The following DRC11 variants were observed in gnomAD, a reference collection of about 807,000 sequenced individuals.
DRC11 encodes IQ and AAA domain-containing protein 1.
chr2:236,423,889 A>G, the DRC11 span, among the ~76,000 whole-genome samples: 1 of 152,136 alleles, frequency 6.6e-6, no homozygotes, highest in Admixed American at 6.5e-5. Flanking sequence ...CGATGAGTTC[A>G]TGTCCTTTGA....
chr2:236,450,855 T>G, the DRC11 span, among the ~76,000 whole-genome samples: 1 of 152,210 alleles, frequency 6.6e-6, no homozygotes, highest in Non-Finnish European at 1.5e-5. Context: ...CAGTGCCATT[T>G]GTCCTTCCTT....
the DRC11 span, among the ~76,000 whole-genome samples, chr2:236,354,340 CAT>C: frequency 7.7e-4 from 80 of 103,858 alleles, 1 homozygote; most frequent in Non-Finnish European, 1.5e-3. Flanking sequence ...TATTAGTGTG[CAT>C]GTGTGTGTGT....
At chr2:236,464,449 T>C in the DRC11 span, among the ~76,000 whole-genome samples, 1 of 152,220 alleles carries the variant, frequency 6.6e-6, no homozygotes, top group East Asian at 1.9e-4. Context: ...GAAATAAAAT[T>C]GATTTAAAAT....
At chr2:236,502,304 CG>C in the DRC11 span, among the ~76,000 whole-genome samples, 1 of 151,958 alleles carries the variant, frequency 6.6e-6, no homozygotes, top group African/African-American at 2.4e-5. Context: ...AAGGGCCAGG[CG>C]TGGTGGCTCA....
chr2:236,331,324 G>A, the DRC11 span: 1 of 1,444,268 alleles, frequency 6.9e-7, no homozygotes, highest in Non-Finnish European at 9.8e-7. This position sits in a 1 kb window ranked among gnomAD's most constrained non-coding sequence, Gnocchi z 4.8. Context: ...AGGAGTGTCT[G>A]CTGCTAAGAC....
At chr2:236,386,532 A>G in the DRC11 span, among the ~76,000 whole-genome samples, 1 of 151,822 alleles carries the variant, frequency 6.6e-6, no homozygotes, top group African/African-American at 2.4e-5. Flanking sequence ...TTTTTATTAC[A>G]TCTATTTGAT....
At chr2:236,477,341 A>G in the DRC11 span, among the ~76,000 whole-genome samples, 25 of 152,246 alleles carry the variant, frequency 1.6e-4, no homozygotes, top group Non-Finnish European at 3.2e-4. Flanking sequence ...GAGAAAAAAG[A>G]AAATGTTATT....
At chr2:236,419,994 T>A in the DRC11 span, among the ~76,000 whole-genome samples, 1 of 152,212 alleles carries the variant, frequency 6.6e-6, no homozygotes, top group Non-Finnish European at 1.5e-5. The surrounding 1 kb of genome is among the most constrained non-coding windows in gnomAD (Gnocchi z 4.8). Flanking sequence ...CCCCCAGGGC[T>A]CTGCTCATGA....
the DRC11 span, among the ~76,000 whole-genome samples, chr2:236,474,213 C>A: frequency 5.5e-4 from 82 of 149,786 alleles, no homozygotes; most frequent in African/African-American, 1.8e-3. Flanking sequence ...AAGACACACT[C>A]AAAAAAAAAG....
the DRC11 span, among the ~76,000 whole-genome samples, chr2:236,452,392 A>T: frequency 6.6e-6 from 1 of 152,218 alleles, no homozygotes; most frequent in African/African-American, 2.4e-5. The surrounding 1 kb of genome is among the most constrained non-coding windows in gnomAD (Gnocchi z 4.7). Context: ...AGTATGAAAA[A>T]TATGTGGATG....
the DRC11 span, among the ~76,000 whole-genome samples, chr2:236,366,175 G>T: frequency 6.6e-6 from 1 of 152,276 alleles, no homozygotes; most frequent in African/African-American, 2.4e-5. Flanking sequence ...AGGAGGGTGG[G>T]TGGATGCTGA....
chr2:236,357,067 CAT>C, the DRC11 span, among the ~76,000 whole-genome samples: 4 of 116,050 alleles, frequency 3.4e-5, 1 homozygote, highest in Non-Finnish European at 6.9e-5. Context: ...TTTATATATT[CAT>C]ATATTATATA....
chr2:236,423,697 C>G, the DRC11 span, among the ~76,000 whole-genome samples: 1 of 152,202 alleles, frequency 6.6e-6, no homozygotes, highest in African/African-American at 2.4e-5. Context: ...CATCCCATTA[C>G]TGGGTATATA....
At chr2:236,367,693 G>T in the DRC11 span, 1 of 172,986 alleles carries the variant, frequency 5.8e-6, no homozygotes, top group African/African-American at 2.4e-5. The surrounding 1 kb of genome is among the most constrained non-coding windows in gnomAD (Gnocchi z 4.8). Context: ...GCTCTAGTGT[G>T]TCTGTCTGAA....
chr2:236,327,281 G>GAGTCTTGTT, the DRC11 span, among the ~76,000 whole-genome samples: 2 of 152,190 alleles, frequency 1.3e-5, no homozygotes, highest in African/African-American at 4.8e-5. Context: ...TTTTGAGACA[G>GAGTCTTGTT]AGTCTTGTTC....
chr2:236,341,632 C>T, the DRC11 span, among the ~76,000 whole-genome samples: 15 of 152,270 alleles, frequency 9.9e-5, no homozygotes, highest in East Asian at 2.9e-3. Flanking sequence ...TTTGGAGTGG[C>T]CCCAGGGCTC....
At chr2:236,415,704 A>G in the DRC11 span, among the ~76,000 whole-genome samples, 1 of 152,172 alleles carries the variant, frequency 6.6e-6, no homozygotes, top group African/African-American at 2.4e-5. The surrounding 1 kb of genome is among the most constrained non-coding windows in gnomAD (Gnocchi z 5.7). Flanking sequence ...TTTTTGTTCA[A>G]AACTGTTCAT....
At chr2:236,323,980 CTGA>C in the DRC11 span, among the ~76,000 whole-genome samples, 1 of 152,146 alleles carries the variant, frequency 6.6e-6, no homozygotes, top group South Asian at 2.1e-4. This position sits in a 1 kb window ranked among gnomAD's most constrained non-coding sequence, Gnocchi z 6.4. Context: ...AGTCATTGGC[CTGA>C]TAATTTTTCA....
the DRC11 span, among the ~76,000 whole-genome samples, chr2:236,435,973 T>A: frequency 6.6e-6 from 1 of 152,206 alleles, no homozygotes; most frequent in African/African-American, 2.4e-5. Context: ...TTTTGATATT[T>A]GTTTGATCCA....
Sources: allele counts gnomAD v4.1 joint callset (sites outside exome capture counted in the v4.1 genomes callset), GRCh38; gene constraint gnomAD v4.1.1; non-coding constraint Gnocchi (gnomAD v3.1); transcripts MANE v1.5; gene names NCBI Gene and HGNC (gene_info 2026-07-23, HGNC 2026-07-21).